SDK1: variants seen among roughly 807,000 people sequenced by gnomAD.
SDK1 encodes the protein sidekick cell adhesion molecule 1, also known as protein sidekick-1.
In SDK1, 157 loss-of-function variants were observed where a neutral mutation model predicts 245.5. That is an observed-to-expected ratio of 0.64 (90% CI 0.56 to 0.73). The LOEUF (loss-of-function observed/expected upper bound fraction) is 0.73. Ranked by LOEUF, SDK1 falls within the 30% of genes least tolerant of loss-of-function variation. The pLI is 0.00. For missense variants in SDK1, 3,583 were observed against 3,002.3 expected, an observed-to-expected ratio of 1.19 and a Z score of -4.52; for synonymous variants, 1,647 against 1,278.5, an observed-to-expected ratio of 1.29 and a Z score of -6.15.
chr7:4,265,490 AG>A lies in SDK1; in HGVS notation c.*107del, dbSNP rs900665615. The A allele has an allele frequency of 1.5e-6, 2 of 1,371,976 alleles. No homozygotes were observed. The highest frequency in any genetic ancestry group is 3.1e-5 in the African/African-American group (2 of 65,044). The allele number at this position is 1,371,976 out of a possible 1,614,324, so 85.0% of individuals were successfully genotyped here. On this transcript the variant is annotated 3_prime_UTR_variant, in exon 45 of 45. Transcript: ENST00000404826. ...ACTGAGCTGAAGTTTTTGTTTAAAA[AG>A]AAAAAAATCTGATAAGTGATGATTT...
Position 4,155,913 on chromosome 7 carries a change from A to G in SDK1, c.4626-2535A>G, listed in dbSNP as rs532125681. Reference sequence around the variant, plus strand: ...AATGTCACCCATCATGATGCAGAAGATGAAGGGAAGGAACAGGGCACGGGG... The same window carrying G: ...AATGTCACCCATCATGATGCAGAAGGTGAAGGGAAGGAACAGGGCACGGGG... On this transcript the variant is annotated intron_variant, in intron 30 of 44. Transcript: ENST00000404826. 5.3e-5 allele frequency among the ~76,000 whole-genome samples: 8 copies of G among 152,206 alleles called. No individual in the cohort carries two copies. The East Asian group carries it at 1.5e-3, about 29-fold the overall frequency.
intron 4 of SDK1, among the ~76,000 whole-genome samples, chr7:3,655,483 A>ATATATATATG: frequency 1.1e-5 from 1 of 90,758 alleles, no homozygotes; most frequent in African/African-American, 3.9e-5. Context: ...ATATATATAT[A>ATATATATATG]TATATATATA....
intron 1 of SDK1, among the ~76,000 whole-genome samples, chr7:3,345,631 A>G (rs1462121723): frequency 6.6e-6 from 1 of 152,174 alleles, no homozygotes; most frequent in Admixed American, 6.5e-5. Context: ...GGCTTGTAAC[A>G]TGTTTTCAGA....
chr7:3,416,346 C>T (rs573407772), intron 1 of SDK1, among the ~76,000 whole-genome samples: 22 of 152,148 alleles, frequency 1.4e-4, no homozygotes, highest in Non-Finnish European at 2.8e-4. Context: ...CGTTCTAGGG[C>T]CCTCCCTCCT....
chr7:3,401,345 C>T (rs116016229), intron 1 of SDK1, among the ~76,000 whole-genome samples: 1 of 152,116 alleles, frequency 6.6e-6, no homozygotes, highest in African/African-American at 2.4e-5. Flanking sequence ...TAAACAATTA[C>T]AATTTTCCTG....
chr7:4,124,852 G>GGC (rs1437656960), intron 25 of SDK1, among the ~76,000 whole-genome samples: 3 of 152,076 alleles, frequency 2.0e-5, no homozygotes, highest in Non-Finnish European at 4.4e-5. Context: ...ATAGGTGATG[G>GGC]GCGAATGGAT....
rs1226265858 is a variant in SDK1 at position 4,139,455 on chromosome 7, GTATATGTA to G, written c.4229-6259_4229-6252del. Among the ~76,000 whole-genome samples, 4 of 131,216 alleles carry G rather than the reference GTATATGTA, an allele frequency of 3.0e-5. 1 individual carries two copies. Among genetic ancestry groups the G allele is most frequent in the Non-Finnish European group, 5.0e-5 (3 of 60,196 alleles). The allele number at this position is 131,216 out of a possible 152,430, so 86.1% of individuals were successfully genotyped here. A position where few individuals can be genotyped will look rare whatever the true frequency, so the allele number is the denominator to read the frequency against. On this transcript the variant is annotated intron_variant, in intron 28 of 44. Coordinates refer to ENST00000404826, the MANE Select transcript of SDK1 (RefSeq NM_152744.4). Reference sequence around the variant, plus strand: ...TATATATGTGTGTGTATATGTGTGTGTATATGTATATATGTGTGTGTATATGTGTGTGT... The same window carrying G: ...TATATATGTGTGTGTATATGTGTGTGTATATGTGTGTGTATATGTGTGTGT...
chr7:3,493,599 G>T (rs1225795683), intron 1 of SDK1, among the ~76,000 whole-genome samples: 1 of 152,162 alleles, frequency 6.6e-6, no homozygotes, highest in East Asian at 1.9e-4. Context: ...TTTAACTAAA[G>T]GAAAGCAGAA....
intron 1 of SDK1, among the ~76,000 whole-genome samples, chr7:3,464,212 T>C (rs1349836392): frequency 2.0e-5 from 3 of 152,184 alleles, no homozygotes; most frequent in Non-Finnish European, 4.4e-5. Flanking sequence ...AGAGTAACTT[T>C]TTTTTCCCCT....
intron 25 of SDK1, among the ~76,000 whole-genome samples, chr7:4,125,718 A>G (rs1023424583): frequency 6.6e-6 from 1 of 152,194 alleles, no homozygotes; most frequent in Non-Finnish European, 1.5e-5. Context: ...GTTTGCTTTC[A>G]TTCTCACTCT....
In SDK1 at chr7:4,127,405, T is replaced by A; in HGVS notation, c.3848T>A (p.Val1283Glu). Reference sequence around the variant, plus strand: ...GTTCCTTCAGCCGCCCCTGAGAACGTGTCAGCCGAGGCTGTCAGCTCGACC... The same window carrying A: ...GTTCCTTCAGCCGCCCCTGAGAACGAGTCAGCCGAGGCTGTCAGCTCGACC... ...ESVPSAAPEN[V>E]SAEAVSSTQI... Residue 1283 changes from valine (V) to glutamate (E), a missense_variant, in exon 26 of 45, where the codon GTG becomes GAG. Val to Glu is a moderately radical substitution (Grantham distance 121). Coordinates refer to ENST00000404826, the MANE Select transcript of SDK1 (RefSeq NM_152744.4). The A allele has an allele frequency of 6.2e-7, 1 of 1,614,186 alleles. No individual in the cohort carries two copies.
Position 4,059,021 on chromosome 7 carries a change from G to T in SDK1, c.2911+7191G>T, listed in dbSNP as rs79015390. Among the ~76,000 whole-genome samples, 144 of 151,732 alleles carry T rather than the reference G, an allele frequency of 9.5e-4. 3 individuals are homozygous for T. The East Asian group carries it at 0.022, about 23-fold the overall frequency. On this transcript the variant is annotated intron_variant, in intron 19 of 44. Coordinates refer to ENST00000404826, the MANE Select transcript of SDK1 (RefSeq NM_152744.4). Reference sequence around the variant, plus strand: ...AATAAACAATGAGAGAGAAAGAAGGGAACAAAGGATATATAAACCAACCAG... The same window carrying T: ...AATAAACAATGAGAGAGAAAGAAGGTAACAAAGGATATATAAACCAACCAG...
In SDK1 at chr7:4,033,337, A is replaced by T. The variant is rs148486160; in HGVS notation, c.2602+15985A>T. ...AAGTGGATCGGAGATATCAATATTAAAAATATGAAACTGTACAAGTACTAG... is the reference window on the plus strand; with the variant it reads ...AAGTGGATCGGAGATATCAATATTATAAATATGAAACTGTACAAGTACTAG... On this transcript the variant is annotated intron_variant, in intron 17 of 44. Transcript: ENST00000404826. Among the ~76,000 whole-genome samples, 687 of 152,334 alleles carry T rather than the reference A, an allele frequency of 4.5e-3. 5 individuals are homozygous for T. The highest frequency in any genetic ancestry group is 0.014 in the Middle Eastern group (4 of 294).
chr7:4,096,778 G>A (rs1782173484), intron 22 of SDK1, among the ~76,000 whole-genome samples: 1 of 151,996 alleles, frequency 6.6e-6, no homozygotes, highest in South Asian at 2.1e-4. Context: ...AGCAGGGCAG[G>A]TTCAGGCAAG....
intron 4 of SDK1, among the ~76,000 whole-genome samples, chr7:3,761,625 G>T (rs549990129): frequency 6.6e-6 from 1 of 151,500 alleles, no homozygotes; most frequent in East Asian, 1.9e-4. Flanking sequence ...AAAGAAATAG[G>T]AAGAAGCAAA....
chr7:3,959,022 C>T lies in SDK1; in HGVS notation c.1234+8C>T, dbSNP rs771713565. 7 of 1,603,840 alleles carry T rather than the reference C, an allele frequency of 4.4e-6. No individual in the cohort carries two copies. The highest frequency in any genetic ancestry group is 4.5e-5 in the East Asian group (2 of 44,842). On this transcript the variant is annotated splice_region_variant and intron_variant, in intron 8 of 44. Coordinates refer to ENST00000404826, the MANE Select transcript of SDK1 (RefSeq NM_152744.4). Reference sequence around the variant, plus strand: ...TCGGATGTCAAGCCATGGGTGAGTGCAGAGTGGCTGCTGGACAAGGAGCCA... The same window carrying T: ...TCGGATGTCAAGCCATGGGTGAGTGTAGAGTGGCTGCTGGACAAGGAGCCA...
chr7:4,113,321 C>T lies in SDK1; in HGVS notation c.3467C>T (p.Pro1156Leu), dbSNP rs753571579. 1.5e-5 allele frequency: 25 copies of T among 1,613,778 alleles called. No homozygotes were observed. The Middle Eastern group carries it at 4.9e-4, about 32-fold the overall frequency. ...FRMKQVNIVG[P>L]SPYSPSSRVI... ...ATGAAGCAAGTGAACATTGTTGGGC[C>T]GAGCCCCTACAGTCCGTCTTCCCGG... Residue 1156 changes from proline (P) to leucine (L), a missense_variant, in exon 24 of 45, where the codon CCG (proline) becomes CTG (leucine). Pro to Leu is a moderately conservative substitution (Grantham distance 98). Transcript: ENST00000404826.
chr7:3,856,132 A>G (rs182955784), intron 5 of SDK1, among the ~76,000 whole-genome samples: 27 of 152,310 alleles, frequency 1.8e-4, no homozygotes, highest in African/African-American at 6.3e-4. Flanking sequence ...AAGAAAATGC[A>G]TACTAATTTT....
intron 1 of SDK1, among the ~76,000 whole-genome samples, chr7:3,443,967 T>G (rs1344645798): frequency 6.6e-6 from 1 of 152,206 alleles, no homozygotes; most frequent in Non-Finnish European, 1.5e-5. Flanking sequence ...AGAGCATTAT[T>G]TATTTCTATC....
Sources: allele counts gnomAD v4.1 joint callset (sites outside exome capture counted in the v4.1 genomes callset), GRCh38; gene constraint gnomAD v4.1.1; transcripts MANE v1.5; gene names NCBI Gene and HGNC (gene_info 2026-07-23, HGNC 2026-07-21).